Variants in ANKS1B observed in about 807,000 individuals in gnomAD.
The protein encoded by ANKS1B is ankyrin repeat and sterile alpha motif domain-containing protein 1B.
In ANKS1B, 36 loss-of-function variants were observed where a neutral mutation model predicts 148.3. The observed-to-expected ratio is 0.24, with a 90% confidence interval of 0.19 to 0.32. The LOEUF (loss-of-function observed/expected upper bound fraction) is 0.32. Ranked by LOEUF, ANKS1B falls within the 10% of genes least tolerant of loss-of-function variation. ANKS1B has a pLI of 1.00. For missense variants in ANKS1B, 1,157 were observed against 1,542.6 expected, an observed-to-expected ratio of 0.75 and a Z score of 4.19; for synonymous variants, 542 against 560.8, an observed-to-expected ratio of 0.97 and a Z score of 0.47.
At chr12:98,848,743 G>GTTTTTTTTTTTTTTT (rs10695483) in intron 17 of ANKS1B, among the ~76,000 whole-genome samples, 2,506 of 48,004 alleles carry the variant, frequency 0.052, 1,031 homozygotes, top group African/African-American at 0.14. Context: ...TGTATGTGTG[G>GTTTTTTTTTTTTTTT]TTTTTTTTTT....
At chr12:99,047,392 T>C (rs546113211) in intron 17 of ANKS1B, among the ~76,000 whole-genome samples, 1 of 152,260 alleles carries the variant, frequency 6.6e-6, no homozygotes, top group East Asian at 1.9e-4. Flanking sequence ...AGAATAAGAC[T>C]CTGTCTCAGA....
chr12:98,933,753 T>TAA (rs1447597901), intron 17 of ANKS1B, among the ~76,000 whole-genome samples: 7 of 152,116 alleles, frequency 4.6e-5, no homozygotes, highest in Non-Finnish European at 7.4e-5. Flanking sequence ...TTAGTGATGT[T>TAA]AAGTATTTTC....
chr12:99,385,096 AT>A (rs553931238), intron 12 of ANKS1B, among the ~76,000 whole-genome samples: 16,415 of 152,216 alleles, frequency 0.11, 892 homozygotes, highest in Non-Finnish European at 0.12. Flanking sequence ...TTAAGATAGT[AT>A]TATGAACATA....
intron 10 of ANKS1B, among the ~76,000 whole-genome samples, chr12:99,480,891 C>A (rs528824591): frequency 6.6e-6 from 1 of 151,834 alleles, no homozygotes; most frequent in Non-Finnish European, 1.5e-5. Context: ...GGAACCTAAT[C>A]CATTTTATAG....
At chr12:99,098,618 A>ATTTTTTT (rs2056973505) in intron 15 of ANKS1B, among the ~76,000 whole-genome samples, 1 of 59,366 alleles carries the variant, frequency 1.7e-5, no homozygotes, top group Non-Finnish European at 3.1e-5. Context: ...GCTAGGAACT[A>ATTTTTTT]CTTTTTTTTT....
chr12:99,766,049 G>C (rs1203830765), intron 8 of ANKS1B, among the ~76,000 whole-genome samples: 1 of 152,120 alleles, frequency 6.6e-6, no homozygotes, highest in East Asian at 1.9e-4. Context: ...TGATTGCTGG[G>C]AAAAACCTCC....
intron 12 of ANKS1B, among the ~76,000 whole-genome samples, chr12:99,322,697 T>C (rs761330038): frequency 1.5e-4 from 23 of 152,148 alleles, no homozygotes; most frequent in Non-Finnish European, 3.1e-4. Flanking sequence ...CAACTTTCAC[T>C]TTTCATATTT....
At chr12:99,907,740 C>A (rs957192963) in intron 1 of ANKS1B, among the ~76,000 whole-genome samples, 67 of 144,590 alleles carry the variant, frequency 4.6e-4, no homozygotes, top group African/African-American at 1.7e-3. Context: ...AACAAGGTGG[C>A]AGGTAAAGCA....
At chr12:99,466,298 G>C (rs1044471239) in intron 10 of ANKS1B, among the ~76,000 whole-genome samples, 1 of 152,148 alleles carries the variant, frequency 6.6e-6, no homozygotes. Flanking sequence ...AGTGTGTAGA[G>C]GGAAATTTAT....
chr12:99,766,342 A>G (rs2062642073), intron 8 of ANKS1B, among the ~76,000 whole-genome samples: 1 of 152,142 alleles, frequency 6.6e-6, no homozygotes, highest in Non-Finnish European at 1.5e-5. Flanking sequence ...TGTATCAAGA[A>G]TGGTAAAAAG....
At chr12:98,939,628 C>T (rs919660838) in intron 17 of ANKS1B, among the ~76,000 whole-genome samples, 1 of 152,186 alleles carries the variant, frequency 6.6e-6, no homozygotes, top group African/African-American at 2.4e-5. Flanking sequence ...ACAAACTGCA[C>T]TTCTTTTAAA....
intron 7 of ANKS1B, among the ~76,000 whole-genome samples, chr12:99,774,632 G>T (rs76391446): frequency 6.6e-6 from 1 of 152,062 alleles, no homozygotes; most frequent in African/African-American, 2.4e-5. Flanking sequence ...ACCTTGGGGT[G>T]CTTATTCACA....
chr12:99,756,379 G>A (rs10860513), intron 8 of ANKS1B, among the ~76,000 whole-genome samples: 66,391 of 151,792 alleles, frequency 0.44, 14,914 homozygotes, highest in South Asian at 0.61. Flanking sequence ...AGCTAACTAG[G>A]GAGGTAAAAG....
intron 16 of ANKS1B, among the ~76,000 whole-genome samples, chr12:99,079,054 A>G (rs1287695233): frequency 1.3e-5 from 2 of 152,092 alleles, no homozygotes; most frequent in African/African-American, 4.8e-5. Flanking sequence ...CAGTCCGAAA[A>G]TCCCTAAGAG....
At chr12:98,850,112 A>G (rs917450938) in intron 17 of ANKS1B, among the ~76,000 whole-genome samples, 1 of 152,098 alleles carries the variant, frequency 6.6e-6, no homozygotes, top group African/African-American at 2.4e-5. Context: ...CAGACAGACA[A>G]CCCCATGACA....
chr12:98,897,500 A>G (rs188051860), intron 17 of ANKS1B, among the ~76,000 whole-genome samples: 5 of 152,338 alleles, frequency 3.3e-5, no homozygotes, highest in Admixed American at 2.6e-4. Context: ...GAGAAATGGA[A>G]ATTAACAGCA....
chr12:99,335,138 G>A (rs1000844595), intron 12 of ANKS1B, among the ~76,000 whole-genome samples: 10 of 151,482 alleles, frequency 6.6e-5, no homozygotes, highest in South Asian at 2.1e-4. Context: ...TTCTATTTAC[G>A]TGTTGTATTT....
intron 12 of ANKS1B, among the ~76,000 whole-genome samples, chr12:99,252,614 G>A (rs764541788): frequency 5.9e-5 from 9 of 152,176 alleles, no homozygotes; most frequent in Non-Finnish European, 1.2e-4. Flanking sequence ...TAGTGGTGAA[G>A]AGAAAGGGAA....
rs117878596 is a variant in ANKS1B at position 99,854,081 on chromosome 12, G to A, written c.135-28692C>T. On this transcript the variant is annotated intron_variant, in intron 1 of 26. Transcript: ENST00000683438. Reference sequence around the variant, plus strand: ...GATGGTGTGCAGTGGTGCGATCTCGGCTCATGTGCAAGCTCCGCCTCCTGG... The same window carrying A: ...GATGGTGTGCAGTGGTGCGATCTCGACTCATGTGCAAGCTCCGCCTCCTGG... Among the ~76,000 whole-genome samples the A allele has an allele frequency of 1.6e-3, 248 of 152,310 alleles. 7 individuals carry two copies. In the East Asian group the frequency reaches 0.041, roughly 25 times the overall value.
Sources: gnomAD v4.1 joint callset for allele counts (sites outside exome capture counted in the v4.1 genomes callset) on GRCh38, gnomAD v4.1.1 for gene constraint, MANE v1.5 for transcripts, NCBI Gene and HGNC (gene_info 2026-07-23, HGNC 2026-07-21) for gene names.